Variants in MBOAT2 observed in about 807,000 individuals in gnomAD.
The protein encoded by MBOAT2 is membrane-bound glycerophospholipid O-acyltransferase 2.
MBOAT2 carries 28 observed loss-of-function variants against 63.4 expected under a neutral mutation model. The observed-to-expected ratio is 0.44, with a 90% CI of 0.33 to 0.61. The LOEUF is 0.61. Ranked by LOEUF, MBOAT2 falls within the 20% of genes least tolerant of loss-of-function variation. The probability of loss-of-function intolerance (pLI) is 0.03; values close to 1 mark genes in which losing one functional copy is unlikely to be tolerated. For synonymous variants in MBOAT2, 211 were observed against 215.6 expected (o/e 0.98, Z 0.19); for missense variants, 470 against 605.8 (o/e 0.78, Z 2.35).
Position 8,957,441 on chromosome 2 carries a change from G to A in MBOAT2, c.221+1056C>T, listed in dbSNP as rs188147415. 1.3e-3 allele frequency among the ~76,000 whole-genome samples: 192 copies of A among 152,326 alleles called. 1 individual carries two copies. The Middle Eastern group carries it at 0.027, about 22-fold the overall frequency. ...AGTACCTAGCACAGGTAATATGGTA[G>A]AGACTGAATAAATTATCCCTAATTA... On this transcript the variant is annotated intron_variant, in intron 2 of 12. Transcript: ENST00000305997.
chr2:8,860,679 A>G lies in MBOAT2; in HGVS notation c.1271T>C (p.Val424Ala). The G allele has an allele frequency of 1.2e-6, 2 of 1,612,072 alleles. No homozygotes were observed. Among genetic ancestry groups the G allele is most frequent in the South Asian group, 2.2e-5 (2 of 90,878 alleles). The change falls in exon 12 of 13, where the codon GTA becomes GCA. Residue 424 changes from valine to alanine, a missense_variant. Val to Ala is a moderately conservative substitution (Grantham distance 64). Transcript: ENST00000305997. Reference sequence around the variant, plus strand: ...TGGCACAACTGTGTAACTTATTGCTACTTGAGTTACTATCCATGTTATAAC... The same window carrying G: ...TGGCACAACTGTGTAACTTATTGCTGCTTGAGTTACTATCCATGTTATAAC... The part of the protein sequence containing the change: ...YDVITWIVTQ[V>A]AISYTVVPFV...
chr2:8,943,326 G>C, intron 2 of MBOAT2, 62 bp from the exon 3 acceptor site: 2 of 1,005,692 alleles, frequency 2.0e-6, no homozygotes, highest in Non-Finnish European at 2.9e-6. Flanking sequence ...AAGCTGAAGT[G>C]AATTAAGCTA....
chr2:8,881,160 G>A (rs569628142), intron 6 of MBOAT2, among the ~76,000 whole-genome samples: 41 of 152,312 alleles, frequency 2.7e-4, no homozygotes, highest in Non-Finnish European at 2.9e-4. Flanking sequence ...GCTGGCCTTC[G>A]ATTAGATGAT....
At chr2:8,951,620 T>C (rs529756118) in intron 2 of MBOAT2, among the ~76,000 whole-genome samples, 1 of 152,338 alleles carries the variant, frequency 6.6e-6, no homozygotes, top group Admixed American at 6.5e-5. Context: ...TCAATATTGG[T>C]CTGTTTGGTG....
chr2:8,868,044 T>C (rs1161174793), intron 9 of MBOAT2, among the ~76,000 whole-genome samples: 8 of 152,178 alleles, frequency 5.3e-5, no homozygotes, highest in Non-Finnish European at 5.9e-5. Flanking sequence ...CCCAGGCTGC[T>C]CCCTCTACTT....
intron 4 of MBOAT2, among the ~76,000 whole-genome samples, chr2:8,888,870 T>TAAATA (rs999189920): frequency 2.6e-5 from 4 of 152,020 alleles, no homozygotes; most frequent in African/African-American, 9.7e-5. Context: ...TCTATAAAAA[T>TAAATA]AAATAAAATA....
chr2:8,958,767 A>C, intron 1 of MBOAT2, 125 bp from the exon 2 acceptor site: 2 of 946,344 alleles, frequency 2.1e-6, no homozygotes, highest in Non-Finnish European at 3.0e-6. Context: ...AAGTTAACAA[A>C]ACAAAAACAA....
In MBOAT2 at chr2:8,956,395, T is replaced by C. The variant is rs1403957533; in HGVS notation, c.221+2102A>G. On this transcript the variant is annotated intron_variant, in intron 2 of 12. Transcript: ENST00000305997. ...TTTAAGAAAAAAATAGAGAACTCAT[T>C]TGAAAAATAAAAATAAAAATCCTGG... 5.9e-5 allele frequency among the ~76,000 whole-genome samples: 9 copies of C among 152,242 alleles called. No individual in the cohort carries two copies. The East Asian group carries it at 1.7e-3, about 29-fold the overall frequency.
intron 2 of MBOAT2, among the ~76,000 whole-genome samples, chr2:8,949,171 T>C (rs895730293): frequency 2.0e-5 from 3 of 152,248 alleles, no homozygotes; most frequent in Non-Finnish European, 4.4e-5. Context: ...TGCCCATTTT[T>C]AATGGGATTA....
chr2:8,884,757 A>C (rs747446913), intron 5 of MBOAT2, among the ~76,000 whole-genome samples: 19 of 152,254 alleles, frequency 1.2e-4, no homozygotes, highest in Non-Finnish European at 2.2e-4. Context: ...AACCAAGAAA[A>C]GTAGACACAG....
intron 1 of MBOAT2, among the ~76,000 whole-genome samples, chr2:8,982,062 G>T (rs1300836805): frequency 6.6e-6 from 1 of 152,132 alleles, no homozygotes; most frequent in Non-Finnish European, 1.5e-5. Context: ...TAAAGTGGAA[G>T]CGAGCCCAGG....
chr2:8,892,471 A>G (rs967965349), intron 4 of MBOAT2, among the ~76,000 whole-genome samples: 1 of 152,230 alleles, frequency 6.6e-6, no homozygotes, highest in African/African-American at 2.4e-5. Context: ...TTCAGAAAAA[A>G]AAAAGTATTT....
chr2:8,923,744 G>C (rs541331408), intron 3 of MBOAT2, among the ~76,000 whole-genome samples: 18 of 152,228 alleles, frequency 1.2e-4, no homozygotes, highest in South Asian at 6.2e-4. Flanking sequence ...CACTGTTTTT[G>C]ATCTAAAAGT....
intron 3 of MBOAT2, among the ~76,000 whole-genome samples, chr2:8,941,525 G>A (rs1668048560): frequency 1.3e-5 from 2 of 152,048 alleles, no homozygotes; most frequent in Admixed American, 6.6e-5. Flanking sequence ...GTGTACAGGC[G>A]TGGTGGTGGG....
chr2:8,929,610 C>T (rs1173017121), intron 3 of MBOAT2, among the ~76,000 whole-genome samples: 1 of 152,270 alleles, frequency 6.6e-6, no homozygotes, highest in South Asian at 2.1e-4. Context: ...GCGCTGGCCT[C>T]TCAAAGTGTT....
intron 2 of MBOAT2, among the ~76,000 whole-genome samples, chr2:8,952,738 C>CT (rs1283665939): frequency 0.018 from 2,454 of 138,044 alleles, 30 homozygotes; most frequent in African/African-American, 0.029. Flanking sequence ...ATGTAACGCC[C>CT]TTTTTTTTTT....
rs1482242104 is a variant in MBOAT2 at position 8,890,563 on chromosome 2, A to G, written c.396-2490T>C. 2.0e-5 allele frequency among the ~76,000 whole-genome samples: 3 copies of G among 152,196 alleles called. No homozygotes were observed. In the East Asian group the frequency reaches 5.8e-4, roughly 29 times the overall value. On this transcript the variant is annotated intron_variant, in intron 4 of 12. Coordinates refer to ENST00000305997, the MANE Select transcript of MBOAT2 (RefSeq NM_138799.4). ...TCATCAGGGTCTCGCTCTGTCACCC[A>G]GGCTGGAGTGCAGTGGTGCAATCTC...
At chr2:8,919,904 G>A (rs919453402) in intron 3 of MBOAT2, among the ~76,000 whole-genome samples, 4 of 151,872 alleles carry the variant, frequency 2.6e-5, no homozygotes, top group Non-Finnish European at 5.9e-5. Flanking sequence ...ACAGGTGTGC[G>A]CCACCACACT....
intron 3 of MBOAT2, among the ~76,000 whole-genome samples, chr2:8,940,087 T>C (rs1667942699): frequency 6.7e-6 from 1 of 149,258 alleles, no homozygotes; most frequent in Non-Finnish European, 1.5e-5. Context: ...TGCTTACTTA[T>C]ACAATGAGGG....
Sources: allele counts gnomAD v4.1 joint callset (sites outside exome capture counted in the v4.1 genomes callset), GRCh38; gene constraint gnomAD v4.1.1; transcripts MANE v1.5; gene names NCBI Gene and HGNC (gene_info 2026-07-23, HGNC 2026-07-21).